The following CDH13 variants were observed in gnomAD, a reference collection of about 807,000 sequenced individuals.
CDH13 encodes the protein cadherin 13, also known as cadherin-13.
CDH13 carries 24 observed loss-of-function variants against 63.8 expected under a neutral mutation model. That is an observed-to-expected ratio of 0.38 (90% CI 0.27 to 0.53). CDH13 has a LOEUF of 0.53. Ranked by LOEUF, CDH13 falls within the 20% of genes least tolerant of loss-of-function variation. CDH13 has a pLI of 0.85. For synonymous variants in CDH13, 503 were observed against 355.3 expected (o/e 1.42, Z -4.67); for missense variants, 1,049 against 903.1 (o/e 1.16, Z -2.07).
At chr16:83,770,287 C>G (rs1914674071) in intron 11 of CDH13, among the ~76,000 whole-genome samples, 1 of 152,202 alleles carries the variant, frequency 6.6e-6, no homozygotes, top group African/African-American at 2.4e-5. Context: ...CACCAAAATA[C>G]TCAAACTTCG....
At chr16:83,345,561 G>C (rs2090822066) in intron 6 of CDH13, among the ~76,000 whole-genome samples, 1 of 152,194 alleles carries the variant, frequency 6.6e-6, no homozygotes, top group African/African-American at 2.4e-5. Flanking sequence ...TGTTATAGAA[G>C]TCACTCAAGG....
chr16:83,038,835 CTCTT>C (rs543254120), intron 3 of CDH13, among the ~76,000 whole-genome samples: 136 of 152,338 alleles, frequency 8.9e-4, no homozygotes, highest in Middle Eastern at 6.8e-3. Flanking sequence ...ACCATACTTA[CTCTT>C]TCTTTCTGAG....
intron 5 of CDH13, among the ~76,000 whole-genome samples, chr16:83,305,748 A>T (rs985705976): frequency 2.0e-5 from 3 of 152,154 alleles, no homozygotes; most frequent in Admixed American, 2.0e-4. Flanking sequence ...GTACAATGGG[A>T]TTAATACTAC....
intron 2 of CDH13, among the ~76,000 whole-genome samples, chr16:82,988,779 T>C (rs80156284): frequency 1.9e-4 from 26 of 133,894 alleles, no homozygotes; most frequent in African/African-American, 5.3e-4. Context: ...AAAAAAAAAA[T>C]GCGAGTAATG....
At chr16:83,073,354 T>TGTGTGTGAGA (rs1311548254) in intron 3 of CDH13, among the ~76,000 whole-genome samples, 4 of 139,754 alleles carry the variant, frequency 2.9e-5, no homozygotes, top group African/African-American at 1.1e-4. Flanking sequence ...TGTGTGTGTG[T>TGTGTGTGAGA]GAGAGAGAGA....
intron 5 of CDH13, among the ~76,000 whole-genome samples, chr16:83,321,525 A>ATT (rs10672316): frequency 0.38 from 39,683 of 103,720 alleles, 9,004 homozygotes; most frequent in South Asian, 0.49. Context: ...GAAATCTGGA[A>ATT]TTTTTTTTTT....
Position 82,832,222 on chromosome 16 carries a change from G to C in CDH13, c.46-26140G>C, listed in dbSNP as rs185589170. On this transcript the variant is annotated intron_variant, in intron 1 of 13. Coordinates refer to ENST00000567109, the MANE Select transcript of CDH13 (RefSeq NM_001257.5). Reference sequence around the variant, plus strand: ...TGATTGAGTGCTTGCAAGTGGCCTAGTGAAATCTCATTAAACCACTGTTTA... The same window carrying C: ...TGATTGAGTGCTTGCAAGTGGCCTACTGAAATCTCATTAAACCACTGTTTA... Among the ~76,000 whole-genome samples, 3 of 135,128 alleles carry C rather than the reference G, an allele frequency of 2.2e-5. No homozygotes were observed. The East Asian group carries it at 7.3e-4, about 33-fold the overall frequency. 88.6% of individuals were successfully genotyped at this position (135,128 alleles called of 152,430 possible).
intron 2 of CDH13, among the ~76,000 whole-genome samples, chr16:82,976,935 A>C (rs191926032): frequency 2.0e-5 from 3 of 152,278 alleles, no homozygotes; most frequent in Admixed American, 6.5e-5. Flanking sequence ...TGTTCTGAGG[A>C]GAGGGCCTGG....
chr16:83,260,801 C>G (rs1167681190), intron 5 of CDH13, among the ~76,000 whole-genome samples: 1 of 152,052 alleles, frequency 6.6e-6, no homozygotes, highest in African/African-American at 2.4e-5. Context: ...ATTTAGTAAG[C>G]CTTCGATTGA....
chr16:83,172,918 CA>C (rs1422505903), intron 4 of CDH13, among the ~76,000 whole-genome samples: 1 of 152,084 alleles, frequency 6.6e-6, no homozygotes, highest in Non-Finnish European at 1.5e-5. Flanking sequence ...GAACTGAAGT[CA>C]AAGGGATTTA....
chr16:82,760,429 T>C (rs1425494359), intron 1 of CDH13, among the ~76,000 whole-genome samples: 1 of 152,188 alleles, frequency 6.6e-6, no homozygotes, highest in Non-Finnish European at 1.5e-5. Context: ...TATCTTATGA[T>C]TTTATGAGTA....
At chr16:82,891,480 A>C (rs1405753309) in intron 2 of CDH13, among the ~76,000 whole-genome samples, 1 of 152,162 alleles carries the variant, frequency 6.6e-6, no homozygotes, top group South Asian at 2.1e-4. Context: ...GAAAATACTG[A>C]ATTTCACTGG....
At chr16:82,774,454 A>G (rs1275715485) in intron 1 of CDH13, among the ~76,000 whole-genome samples, 9 of 152,186 alleles carry the variant, frequency 5.9e-5, no homozygotes, top group Non-Finnish European at 1.2e-4. Context: ...AGAAATATAC[A>G]TAACATAGAG....
At chr16:83,002,731 C>G (rs1359902646) in intron 2 of CDH13, among the ~76,000 whole-genome samples, 5 of 151,960 alleles carry the variant, frequency 3.3e-5, no homozygotes, top group African/African-American at 1.2e-4. Flanking sequence ...AAGGGGCGTT[C>G]AGAGACTGGG....
At chr16:83,686,078 T>C (rs1456281918) in intron 10 of CDH13, among the ~76,000 whole-genome samples, 1 of 152,172 alleles carries the variant, frequency 6.6e-6, no homozygotes, top group African/African-American at 2.4e-5. Context: ...AGAGAGAACC[T>C]CCCTGAGCCG....
intron 2 of CDH13, among the ~76,000 whole-genome samples, chr16:82,863,530 C>T (rs2040019902): frequency 6.6e-6 from 1 of 152,168 alleles, no homozygotes; most frequent in African/African-American, 2.4e-5. Context: ...TCACATCCTC[C>T]AAGTTTGAAT....
chr16:83,745,125 G>C (rs1597164377), intron 10 of CDH13, among the ~76,000 whole-genome samples: 1 of 152,192 alleles, frequency 6.6e-6, no homozygotes, highest in Non-Finnish European at 1.5e-5. Flanking sequence ...TCCTGGAGCG[G>C]TGTCCAGCCG....
At chr16:83,297,835 C>T (rs2089638292) in intron 5 of CDH13, among the ~76,000 whole-genome samples, 1 of 151,884 alleles carries the variant, frequency 6.6e-6, no homozygotes. Flanking sequence ...TTCTAAATGC[C>T]CGAAACTTTT....
At chr16:83,100,463 T>C (rs1307738246) in intron 3 of CDH13, among the ~76,000 whole-genome samples, 1 of 152,142 alleles carries the variant, frequency 6.6e-6, no homozygotes, top group East Asian at 1.9e-4. Context: ...TCATGCAGCA[T>C]TGGTTTAGAG....
Sources: allele counts gnomAD v4.1 joint callset (sites outside exome capture counted in the v4.1 genomes callset), GRCh38; gene constraint gnomAD v4.1.1; transcripts MANE v1.5; gene names NCBI Gene and HGNC (gene_info 2026-07-23, HGNC 2026-07-21).